Variants in GPR61 observed in about 807,000 individuals in gnomAD.
GPR61 encodes G protein-coupled receptor 61, also known as G-protein coupled receptor 61.
In GPR61, 15 loss-of-function variants were observed where a neutral mutation model predicts 29.2. The ratio of observed to expected loss-of-function variants is 0.51; its 90% CI spans 0.34 to 0.79. The LOEUF is 0.79. GPR61 is among the 30% of genes least tolerant of loss of function. The pLI is 0.01. For missense variants in GPR61, 399 were observed against 582.5 expected, an observed-to-expected ratio of 0.69 and a Z score of 3.24; for synonymous variants, 238 against 242.3, an observed-to-expected ratio of 0.98 and a Z score of 0.17.
At chr1:109,540,460 G>A (rs1295352858) in intron 1 of GPR61, among the ~76,000 whole-genome samples, 1 of 152,176 alleles carries the variant, frequency 6.6e-6, no homozygotes, top group Non-Finnish European at 1.5e-5. Flanking sequence ...ATACCTCTGT[G>A]GCCTTGGGCT....
At position 109,546,010 on chromosome 1, in the gene GPR61, G is replaced by A. The variant is rs1647786863; in HGVS notation, c.*1632G>A. 1 of 152,160 alleles carries A rather than the reference G, an allele frequency of 6.6e-6. No individual in the cohort carries two copies. Among genetic ancestry groups the A allele is most frequent in the Non-Finnish European group, 1.5e-5 (1 of 68,032 alleles). The allele number at this position is 152,160 out of a possible 1,614,324, so 9.4% of individuals were successfully genotyped here. The stretch of plus-strand genomic sequence containing the variant: ...CACTTTGATTTGATAAAGCACTACA[G>A]AATGTGCTTGAGAAATATATTGGAG... On this transcript the variant is annotated 3_prime_UTR_variant, in exon 2 of 2. Transcript: ENST00000527748.
rs1647757739 is a variant in GPR61, at chr1:109,545,005, T to G, written c.*627T>G. On this transcript the variant is annotated 3_prime_UTR_variant, in exon 2 of 2. Coordinates refer to ENST00000527748, the MANE Select transcript of GPR61 (RefSeq NM_001393907.1). Reference sequence around the variant, plus strand: ...GCCAGAAACAAGGCAAAATAGAAATTAGGGTACATGGAGTAGAAGATAGGA... The same window carrying G: ...GCCAGAAACAAGGCAAAATAGAAATGAGGGTACATGGAGTAGAAGATAGGA... The G allele has an allele frequency of 6.6e-6, 1 of 152,128 alleles. No homozygotes were observed. The highest frequency in any genetic ancestry group is 1.5e-5 in the Non-Finnish European group (1 of 68,028). 9.4% of individuals were successfully genotyped at this position (152,128 alleles called of 1,614,324 possible).
At position 109,546,398 on chromosome 1, in the gene GPR61, T is replaced by C. The variant is rs1197135747; in HGVS notation, c.*2020T>C. ...CATTCCTAGACAGGGAAAAAACTCT[T>C]CTTTCAAACACCACTGATCAGCTAT... On this transcript the variant is annotated 3_prime_UTR_variant, in exon 2 of 2. Coordinates refer to ENST00000527748, the MANE Select transcript of GPR61 (RefSeq NM_001393907.1). 6.6e-6 allele frequency: 1 copy of C among 152,178 alleles called. No homozygotes were observed. Among genetic ancestry groups the C allele is most frequent in the African/African-American group, 2.4e-5 (1 of 41,438 alleles). The allele number at this position is 152,178 out of a possible 1,614,324, so 9.4% of individuals were successfully genotyped here.
chr1:109,541,443 T>C (rs1342188991), intron 1 of GPR61, among the ~76,000 whole-genome samples: 2 of 152,232 alleles, frequency 1.3e-5, no homozygotes, highest in African/African-American at 4.8e-5. Context: ...ATTGCATGCA[T>C]AGCATGTTAG....
chr1:109,543,880 A>G lies in GPR61; in HGVS notation c.858A>G (p.Ala286=), dbSNP rs1219852604. ...PHRTFGGGKA[A]VVLLAVGGQF... ...GGACGTTTGGGGGAGGGAAAGCAGC[A>G]GTGGTTCTCCTGGCTGTGGGGGGAC... is the stretch of plus-strand genomic sequence containing the variant. The change falls in exon 2 of 2, where the codon GCA becomes GCG. Residue 286 remains alanine (A), a synonymous_variant. Coordinates refer to ENST00000527748, the MANE Select transcript of GPR61 (RefSeq NM_001393907.1). The surrounding 1 kb of genome is among the most constrained non-coding windows in gnomAD (Gnocchi z 6.8). 1 of 1,613,514 alleles carries G rather than the reference A, an allele frequency of 6.2e-7. No individual in the cohort carries two copies. The highest frequency in any genetic ancestry group is 2.2e-5 in the East Asian group (1 of 44,876).
chr1:109,541,774 G>A (rs2101077083), intron 1 of GPR61, among the ~76,000 whole-genome samples: 1 of 152,334 alleles, frequency 6.6e-6, no homozygotes, highest in African/African-American at 2.4e-5. Context: ...GCCTTGAAGA[G>A]TTCATGAGTG....
intron 1 of GPR61, among the ~76,000 whole-genome samples, chr1:109,541,656 G>A (rs1438916416): frequency 6.6e-6 from 1 of 152,168 alleles, no homozygotes; most frequent in Non-Finnish European, 1.5e-5. Flanking sequence ...GAACCAATGC[G>A]GCTCTTGGTC....
Position 109,543,078 on chromosome 1 carries a change from T to C in GPR61, c.56T>C (p.Val19Ala), listed in dbSNP as rs1647682842. The part of the protein sequence containing the change: ...SSGNSSTLGR[V>A]PQTPGPSTAS... ...GGGAACTCTTCCACTTTGGGGAGGGTCCCTCAAACCCCAGGTCCCTCTACT... is the reference window on the plus strand; with the variant it reads ...GGGAACTCTTCCACTTTGGGGAGGGCCCCTCAAACCCCAGGTCCCTCTACT... The change falls in exon 2 of 2, where the codon GTC (valine) becomes GCC (alanine). Residue 19 changes from valine to alanine, a missense_variant. By Grantham distance (64) the Val-to-Ala change is moderately conservative. Transcript: ENST00000527748. This position sits in a 1 kb window ranked among gnomAD's most constrained non-coding sequence, Gnocchi z 6.8. 2 of 1,556,620 alleles carry C rather than the reference T, an allele frequency of 1.3e-6. No homozygotes were observed. Among genetic ancestry groups the C allele is most frequent in the Non-Finnish European group, 1.7e-6 (2 of 1,149,598 alleles).
In GPR61 at chr1:109,543,326, T is replaced by A. The variant is rs776536649; in HGVS notation, c.304T>A (p.Ser102Thr). 1 of 1,613,704 alleles carries A rather than the reference T, an allele frequency of 6.2e-7. No individual in the cohort carries two copies. The highest frequency in any genetic ancestry group is 1.1e-5 in the South Asian group (1 of 91,070). Reference sequence around the variant, plus strand: ...CATGCCCCTGGCCATGCTCTCCAGCTCTGCCCTCTTTGACCACGCCCTCTT... The same window carrying A: ...CATGCCCCTGGCCATGCTCTCCAGCACTGCCCTCTTTGACCACGCCCTCTT... ...TLMPLAMLSS[S>T]ALFDHALFGE... Residue 102 changes from serine (S) to threonine (T), a missense_variant, in exon 2 of 2, where the codon TCT (serine) becomes ACT (threonine). Ser to Thr is a moderately conservative substitution (Grantham distance 58). This residue lies in a region of GPR61 where 320 missense variants were observed against 459.8 expected (regional missense o/e 0.70). Transcript: ENST00000527748. This position sits in a 1 kb window ranked among gnomAD's most constrained non-coding sequence, Gnocchi z 6.8.
chr1:109,541,161 C>T (rs111743338), intron 1 of GPR61, among the ~76,000 whole-genome samples: 11 of 152,134 alleles, frequency 7.2e-5, no homozygotes, highest in Admixed American at 5.2e-4. Context: ...CTTTTGTGCC[C>T]GCTCTTCAAC....
chr1:109,542,564 A>G lies in GPR61; in HGVS notation c.-459A>G, dbSNP rs1647669157. The G allele has an allele frequency of 2.6e-6, 1 of 382,374 alleles. No individual in the cohort carries two copies. 23.7% of individuals were successfully genotyped at this position (382,374 alleles called of 1,614,324 possible). On this transcript the variant is annotated 5_prime_UTR_variant, in exon 2 of 2. Coordinates refer to ENST00000527748, the MANE Select transcript of GPR61 (RefSeq NM_001393907.1). ...GGAGACAAGAAATCAGGAAATTTAC[A>G]TAAGGAACCCTAAAACTGAGGCACT...
Position 109,544,425 on chromosome 1 carries a change from A to C in GPR61, c.*47A>C. 1 of 1,409,166 alleles carries C rather than the reference A, an allele frequency of 7.1e-7. No individual in the cohort carries two copies. The highest frequency in any genetic ancestry group is 1.2e-5 in the South Asian group (1 of 80,654). 87.3% of individuals were successfully genotyped at this position (1,409,166 alleles called of 1,614,324 possible). A position where few individuals can be genotyped will look rare whatever the true frequency, so the allele number is the denominator to read the frequency against. On this transcript the variant is annotated 3_prime_UTR_variant, in exon 2 of 2. Coordinates refer to ENST00000527748, the MANE Select transcript of GPR61 (RefSeq NM_001393907.1). This position sits in a 1 kb window ranked among gnomAD's most constrained non-coding sequence, Gnocchi z 4.6. ...GGATATGGGGCTGGGGCCAGTTATGATTGCAAGGACCACCTTGTGGGATCA... is the reference window on the plus strand; with the variant it reads ...GGATATGGGGCTGGGGCCAGTTATGCTTGCAAGGACCACCTTGTGGGATCA...
Position 109,542,402 on chromosome 1 carries a change from T to G in GPR61, c.-601-20T>G. The G allele has an allele frequency of 3.4e-6, 1 of 297,754 alleles. No individual in the cohort carries two copies. The highest frequency in any genetic ancestry group is 6.8e-6 in the Non-Finnish European group (1 of 146,190). 18.4% of individuals were successfully genotyped at this position (297,754 alleles called of 1,614,324 possible). A position where few individuals can be genotyped will look rare whatever the true frequency, so the allele number is the denominator to read the frequency against. On this transcript the variant is annotated intron_variant, in intron 1 of 1. Coordinates refer to ENST00000527748, the MANE Select transcript of GPR61 (RefSeq NM_001393907.1). The stretch of plus-strand genomic sequence containing the variant: ...CAGAAACACAGTTGTGAAGCAAGTG[T>G]TCTTCCTTTCATTTTACAGATGGAT...
chr1:109,542,322 C>A, intron 1 of GPR61, 100 bp from the exon 2 acceptor site: 1 of 232,672 alleles, frequency 4.3e-6, no homozygotes, highest in South Asian at 6.1e-5. Flanking sequence ...TGGAAAACGC[C>A]GTATCAATGC....
chr1:109,540,331 G>T (rs889905099), intron 1 of GPR61, among the ~76,000 whole-genome samples: 6 of 152,214 alleles, frequency 3.9e-5, no homozygotes, highest in Admixed American at 3.9e-4. Flanking sequence ...GAGAGGTGTT[G>T]TAGCTCCCTG....
rs189641453 is a variant in GPR61 at position 109,542,107 on chromosome 1, A to G, written c.-601-315A>G. Among the ~76,000 whole-genome samples the G allele has an allele frequency of 1.8e-3, 272 of 152,352 alleles. 1 individual carries two copies. The highest frequency in any genetic ancestry group is 3.0e-3 in the Non-Finnish European group (202 of 68,030). ...ATGGCATGGCACAGTGGGCAAGAGT[A>G]CTGGACCTGGGGCCAGACTGCCCAG... On this transcript the variant is annotated intron_variant, in intron 1 of 1. Transcript: ENST00000527748.
rs559267088 is a variant in GPR61, at chr1:109,543,948, A to G, written c.926A>G (p.Tyr309Cys). Residue 309 changes from tyrosine (Y) to cysteine (C), a missense_variant, in exon 2 of 2, where the codon TAT becomes TGT. Tyr to Cys is a radical substitution (Grantham distance 194). Coordinates refer to ENST00000527748, the MANE Select transcript of GPR61 (RefSeq NM_001393907.1). The surrounding 1 kb of genome is among the most constrained non-coding windows in gnomAD (Gnocchi z 6.8). ...TTGCCCTACTTCTCTTTCCACCTCT[A>G]TGTTGCCCTGAGTGCTCAGCCCATT... Reference protein sequence around the residue: ...CWLPYFSFHLYVALSAQPIST... With the variant: ...CWLPYFSFHLCVALSAQPIST... 2.5e-6 allele frequency: 4 copies of G among 1,614,076 alleles called. No homozygotes were observed. Among genetic ancestry groups the G allele is most frequent in the African/African-American group, 1.3e-5 (1 of 75,012 alleles).
rs754553262 is a variant in GPR61, at chr1:109,543,701, G to T, written c.679G>T (p.Val227Phe). 1.2e-6 allele frequency: 2 copies of T among 1,613,634 alleles called. No individual in the cohort carries two copies. Among genetic ancestry groups the T allele is most frequent in the Non-Finnish European group, 1.7e-6 (2 of 1,180,022 alleles). Residue 227 changes from valine (V) to phenylalanine (F), a missense_variant, in exon 2 of 2, where the codon GTC becomes TTC. This residue lies in a region of GPR61 where 320 missense variants were observed against 459.8 expected (regional missense o/e 0.70). Transcript: ENST00000527748. This position sits in a 1 kb window ranked among gnomAD's most constrained non-coding sequence, Gnocchi z 6.8. ...FLLPLLLILV[V>F]YCSMFRVARV... ...GTTGCCCCTGCTCCTCATACTTGTG[G>T]TCTACTGCAGCATGTTCCGAGTGGC... is the stretch of plus-strand genomic sequence containing the variant.
rs147927310 is a variant in GPR61 at position 109,542,059 on chromosome 1, C to T, written c.-601-363C>T. Among the ~76,000 whole-genome samples, 17 of 152,296 alleles carry T rather than the reference C, an allele frequency of 1.1e-4. No homozygotes were observed. The East Asian group carries it at 2.9e-3, about 26-fold the overall frequency. ...TACTGGATGCCTATTATAGTCCAGC[C>T]GGCACGGAGGGCACCTTCACATATG... On this transcript the variant is annotated intron_variant, in intron 1 of 1. Coordinates refer to ENST00000527748, the MANE Select transcript of GPR61 (RefSeq NM_001393907.1).
Sources: allele counts gnomAD v4.1 joint callset (sites outside exome capture counted in the v4.1 genomes callset), GRCh38; gene constraint gnomAD v4.1.1; regional missense constraint gnomAD v4.1.1; non-coding constraint Gnocchi (gnomAD v3.1); transcripts MANE v1.5; gene names NCBI Gene and HGNC (gene_info 2026-07-23, HGNC 2026-07-21).